The following CHN2 variants were observed in gnomAD, a reference collection of about 807,000 sequenced individuals.
CHN2 encodes the protein beta-chimaerin.
CHN2 carries 35 observed loss-of-function variants against 56.3 expected under a neutral mutation model. That is an observed-to-expected ratio of 0.62 (90% CI 0.47 to 0.82). The LOEUF (loss-of-function observed/expected upper bound fraction) is 0.82, where lower values mean the gene tolerates loss of function less well. CHN2 is among the 40% of genes least tolerant of loss of function. The pLI is 0.00. For synonymous variants in CHN2, 210 were observed against 212.8 expected (o/e 0.99, Z 0.12); for missense variants, 491 against 580.5 (o/e 0.85, Z 1.58).
chr7:29,409,090 G>A (rs1356436086), intron 6 of CHN2, among the ~76,000 whole-genome samples: 1 of 152,192 alleles, frequency 6.6e-6, no homozygotes, highest in African/African-American at 2.4e-5. Flanking sequence ...CACAGATCAG[G>A]CTACACAGTG....
At chr7:29,493,884 A>G (rs904659136) in intron 7 of CHN2, among the ~76,000 whole-genome samples, 6 of 152,226 alleles carry the variant, frequency 3.9e-5, no homozygotes, top group East Asian at 3.8e-4. Flanking sequence ...AAAAAAATCT[A>G]TGTGAAGTCC....
At chr7:29,403,718 C>T (rs1402140247) in intron 6 of CHN2, among the ~76,000 whole-genome samples, 1 of 152,088 alleles carries the variant, frequency 6.6e-6, no homozygotes, top group African/African-American at 2.4e-5. Flanking sequence ...TCCGTCTCCC[C>T]ACTGATTCTT....
chr7:29,338,487 A>T (rs1796796185), intron 1 of CHN2, among the ~76,000 whole-genome samples: 3 of 152,180 alleles, frequency 2.0e-5, no homozygotes, highest in African/African-American at 7.2e-5. Context: ...ATATGTGATT[A>T]TTTATGTGAT....
At chr7:29,148,159 C>T (rs1793035925) in intron 2 of CHN2, among the ~76,000 whole-genome samples, 1 of 152,184 alleles carries the variant, frequency 6.6e-6, no homozygotes, top group Admixed American at 6.5e-5. Flanking sequence ...TTGAAGCAGG[C>T]TCAGTGCCAT....
At chr7:29,509,676 C>G (rs141052152) in intron 12 of CHN2, 13,487 of 228,732 alleles carry the variant, frequency 0.059, 1,274 homozygotes, top group African/African-American at 0.23. Context: ...AACCCTGTCT[C>G]TACTAAAAAT....
chr7:29,487,562 C>T (rs146697896), intron 7 of CHN2, among the ~76,000 whole-genome samples: 12 of 152,224 alleles, frequency 7.9e-5, no homozygotes, highest in African/African-American at 2.9e-4. Context: ...CTCATAAAGC[C>T]TCCAGGGAAT....
chr7:29,425,779 A>G (rs1353957058), intron 6 of CHN2, among the ~76,000 whole-genome samples: 3 of 152,220 alleles, frequency 2.0e-5, no homozygotes, highest in Non-Finnish European at 2.9e-5. Flanking sequence ...AAATACATGT[A>G]TATGTCTCCC....
chr7:29,351,290 GTTCA>G (rs971181183), intron 1 of CHN2, among the ~76,000 whole-genome samples: 21 of 150,268 alleles, frequency 1.4e-4, no homozygotes, highest in South Asian at 2.1e-4. Context: ...AACCCTGAGA[GTTCA>G]TTCATTCATT....
intron 2 of CHN2, among the ~76,000 whole-genome samples, chr7:29,365,319 T>C (rs749272284): frequency 3.3e-5 from 5 of 152,238 alleles, no homozygotes; most frequent in African/African-American, 2.4e-5. Context: ...AACCTGGAGA[T>C]ACAAGACAAA....
intron 6 of CHN2, among the ~76,000 whole-genome samples, chr7:29,458,581 T>G (rs1784937251): frequency 6.6e-6 from 1 of 152,080 alleles, no homozygotes; most frequent in Admixed American, 6.5e-5. Context: ...GTGTGGAACA[T>G]TTGAAGATGG....
intron 2 of CHN2, among the ~76,000 whole-genome samples, chr7:29,182,144 T>C (rs1393924971): frequency 6.6e-6 from 1 of 152,212 alleles, no homozygotes; most frequent in South Asian, 2.1e-4. Context: ...TGTCTTCCTC[T>C]TAATGAAAAC....
intron 2 of CHN2, among the ~76,000 whole-genome samples, chr7:29,165,439 A>AT (rs993768750): frequency 7.9e-5 from 12 of 152,086 alleles, no homozygotes; most frequent in African/African-American, 7.2e-5. Context: ...GGTTTCTTAG[A>AT]TTTTTTTTAA....
chr7:29,361,173 A>G (rs944447290), intron 2 of CHN2, among the ~76,000 whole-genome samples: 10 of 152,222 alleles, frequency 6.6e-5, no homozygotes, highest in African/African-American at 2.2e-4. Flanking sequence ...GACTTGTGAA[A>G]TGTGTTTGTT....
At chr7:29,263,294 T>G (rs1584903731) in intron 1 of CHN2, among the ~76,000 whole-genome samples, 1 of 152,168 alleles carries the variant, frequency 6.6e-6, no homozygotes, top group Non-Finnish European at 1.5e-5. Context: ...CCTCCCGAGG[T>G]GCCGGGATTG....
intron 7 of CHN2, among the ~76,000 whole-genome samples, chr7:29,485,921 A>T (rs766495503): frequency 2.8e-4 from 42 of 152,058 alleles, no homozygotes; most frequent in South Asian, 1.2e-3. Context: ...CACTTCCAGG[A>T]TACCCTTCCT....
chr7:29,400,308 T>G, intron 5 of CHN2: 1 of 562,620 alleles, frequency 1.8e-6, no homozygotes, highest in Non-Finnish European at 3.3e-6. Context: ...TCATATAAAC[T>G]CAAGCAGGAA....
intron 6 of CHN2, among the ~76,000 whole-genome samples, chr7:29,415,570 G>T (rs1803655837): frequency 1.3e-5 from 2 of 152,220 alleles, no homozygotes; most frequent in Admixed American, 1.3e-4. Context: ...AGTTGGGCCA[G>T]CCTCGGGACA....
intron 7 of CHN2, among the ~76,000 whole-genome samples, chr7:29,482,867 G>T (rs1787470550): frequency 8.2e-6 from 1 of 122,430 alleles, no homozygotes; most frequent in Non-Finnish European, 1.6e-5. Context: ...TGTCTCCCAG[G>T]TTGGAGTGCA....
intron 2 of CHN2, chr7:29,186,658 T>C (rs1355810663): frequency 6.6e-6 from 1 of 151,742 alleles, no homozygotes; most frequent in Non-Finnish European, 1.5e-5. Context: ...AAAATAAAAA[T>C]AAAAACATGA....
Sources: allele counts gnomAD v4.1 joint callset (sites outside exome capture counted in the v4.1 genomes callset), GRCh38; gene constraint gnomAD v4.1.1; transcripts MANE v1.5; gene names NCBI Gene and HGNC (gene_info 2026-07-23, HGNC 2026-07-21).